Variants in CUBN observed in about 807,000 individuals in gnomAD.
CUBN encodes the protein cubilin.
In CUBN, 282 loss-of-function variants were observed where a neutral mutation model predicts 405.3. The ratio of observed to expected loss-of-function variants is 0.70; its 90% CI spans 0.63 to 0.77. The LOEUF (loss-of-function observed/expected upper bound fraction) is 0.77, where lower values mean the gene tolerates loss of function less well. CUBN is among the 30% of genes least tolerant of loss of function. The pLI, the probability that CUBN is intolerant of heterozygous loss-of-function variation, is 0.00. For synonymous variants in CUBN, 1,684 were observed against 1,617.0 expected, an observed-to-expected ratio of 1.04 and a Z score of -0.99; for missense variants, 4,514 against 4,475.2, an observed-to-expected ratio of 1.01 and a Z score of -0.25.
At chr10:16,954,595 G>C (rs771702335) in intron 31 of CUBN, 47 bp from the exon 32 acceptor site, 30 of 1,602,968 alleles carry the variant, frequency 1.9e-5, no homozygotes, top group South Asian at 6.6e-5. Context: ...TTCACATCTA[G>C]AAGGCCTGTA....
chr10:17,105,506 T>G lies in CUBN; in HGVS notation c.1181A>C (p.Gln394Pro). The change falls in exon 11 of 67, where the codon CAG becomes CCG. Residue 394 changes from glutamine (Q) to proline (P), a missense_variant. Gln to Pro is a moderately conservative substitution (Grantham distance 76, BLOSUM62 -1). Around this residue, in one of 5 missense-constraint regions of CUBN, gnomAD observed 1,448 missense variants for 1,388.0 expected, o/e 1.04. Transcript: ENST00000377833. ...GNGYGPNGCV[Q>P]LSNICLSHPC... ...GTGACTTAGGCAAATATTACTGAGC[T>G]GCACACATCCATTTGGCCCATAACC... 2.5e-6 allele frequency: 4 copies of G among 1,612,140 alleles called. No homozygotes were observed. Among genetic ancestry groups the G allele is most frequent in the Non-Finnish European group, 3.4e-6 (4 of 1,178,102 alleles).
chr10:17,076,242 T>A (rs1005319789), intron 17 of CUBN, among the ~76,000 whole-genome samples: 4 of 152,184 alleles, frequency 2.6e-5, no homozygotes, highest in Non-Finnish European at 5.9e-5. Flanking sequence ...TCAAGGGCCC[T>A]GAACCTAGAA....
At chr10:16,955,596 A>G (rs1218837862) in intron 31 of CUBN, among the ~76,000 whole-genome samples, 1 of 152,088 alleles carries the variant, frequency 6.6e-6, no homozygotes, top group African/African-American at 2.4e-5. Context: ...GAATTTTTGA[A>G]TACTCTTATG....
chr10:16,951,414 A>C (rs1343085754), intron 33 of CUBN, among the ~76,000 whole-genome samples: 1 of 152,242 alleles, frequency 6.6e-6, no homozygotes, highest in Non-Finnish European at 1.5e-5. Context: ...GATTAGCTTA[A>C]GTGACTTCCC....
Position 16,915,064 on chromosome 10 carries a change from C to A in CUBN, c.7319G>T (p.Gly2440Val). The change falls in exon 47 of 67, where the codon GGA becomes GTA. Residue 2440 changes from glycine to valine, a missense_variant. Around this residue, in one of 5 missense-constraint regions of CUBN, gnomAD observed 1,613 missense variants for 1,542.8 expected, o/e 1.05. Transcript: ENST00000377833. ...ACTGGATTCAAATCGCAGTCTGAAT[C>A]CTGAGGCAGTCACAGAGCCGTCTGT... ...FVTDGSVTAS[G>V]FRLRFESSME... 6.2e-7 allele frequency: 1 copy of A among 1,614,080 alleles called. No individual in the cohort carries two copies. Among genetic ancestry groups the A allele is most frequent in the Admixed American group, 1.7e-5 (1 of 60,012 alleles).
At chr10:16,859,616 T>C (rs1398635528) in intron 59 of CUBN, among the ~76,000 whole-genome samples, 1 of 152,106 alleles carries the variant, frequency 6.6e-6, no homozygotes, top group Non-Finnish European at 1.5e-5. Flanking sequence ...TAGAACTCTA[T>C]ACTCAGAGCA....
chr10:16,944,367 C>A (rs985246921), intron 36 of CUBN, among the ~76,000 whole-genome samples: 33 of 152,174 alleles, frequency 2.2e-4, no homozygotes, highest in Admixed American at 6.5e-5. Flanking sequence ...TTACAAAAAA[C>A]TCCTTTTTAG....
At position 17,043,996 on chromosome 10, in the gene CUBN, AT is replaced by A; in HGVS notation, c.3673-14del. On this transcript the variant is annotated splice_polypyrimidine_tract_variant and intron_variant, in intron 25 of 66. Coordinates refer to ENST00000377833, the MANE Select transcript of CUBN (RefSeq NM_001081.4). ...GGCCATCATATACCTTTAAGAAAAT[AT>A]TTTGAATGTTAGATGGTTGAGACTA... 1 of 1,609,688 alleles carries A rather than the reference AT, an allele frequency of 6.2e-7. No individual in the cohort carries two copies. Among genetic ancestry groups the A allele is most frequent in the Non-Finnish European group, 8.5e-7 (1 of 1,176,978 alleles).
intron 56 of CUBN, among the ~76,000 whole-genome samples, chr10:16,881,133 A>G (rs1284677950): frequency 6.6e-6 from 1 of 152,248 alleles, no homozygotes. Flanking sequence ...TAGCAACAAT[A>G]TATCAAGTTA....
chr10:16,853,803 C>T (rs1456308806), intron 59 of CUBN, among the ~76,000 whole-genome samples: 1 of 152,156 alleles, frequency 6.6e-6, no homozygotes, highest in Non-Finnish European at 1.5e-5. Context: ...GCTTTGATTC[C>T]AGTGTGAACT....
intron 22 of CUBN, among the ~76,000 whole-genome samples, chr10:17,062,122 T>C (rs1487685415): frequency 1.3e-5 from 2 of 152,344 alleles, no homozygotes; most frequent in South Asian, 2.1e-4. Flanking sequence ...CTTTGTATGA[T>C]AAACTCTGAT....
intron 54 of CUBN, among the ~76,000 whole-genome samples, chr10:16,895,918 GT>G (rs1841169369): frequency 6.6e-6 from 1 of 151,980 alleles, no homozygotes; most frequent in Admixed American, 6.6e-5. Context: ...TATAATTTCT[GT>G]TTACTTTATC....
chr10:16,998,729 T>TTTGTCATC (rs1387050494), intron 28 of CUBN, among the ~76,000 whole-genome samples: 1 of 152,216 alleles, frequency 6.6e-6, no homozygotes, highest in Non-Finnish European at 1.5e-5. Flanking sequence ...TTACTTCCTA[T>TTTGTCATC]TTGTCATCTT....
chr10:17,011,894 C>T (rs1834197049), intron 28 of CUBN, among the ~76,000 whole-genome samples: 1 of 152,108 alleles, frequency 6.6e-6, no homozygotes, highest in African/African-American at 2.4e-5. Context: ...TCTCCAAGTC[C>T]CCACCTGACC....
chr10:16,937,126 G>A (rs561191247), intron 39 of CUBN, among the ~76,000 whole-genome samples: 50 of 152,112 alleles, frequency 3.3e-4, no homozygotes, highest in Non-Finnish European at 5.3e-4. Context: ...TTTAAAATTC[G>A]GCCCATTTTA....
chr10:17,123,975 T>C (rs759021713), intron 4 of CUBN, among the ~76,000 whole-genome samples: 2 of 152,218 alleles, frequency 1.3e-5, no homozygotes, highest in Non-Finnish European at 2.9e-5. Flanking sequence ...GGAAAAGTAT[T>C]ATTCTCACCT....
chr10:16,962,452 G>A (rs1843255863), intron 31 of CUBN, among the ~76,000 whole-genome samples: 1 of 151,848 alleles, frequency 6.6e-6, no homozygotes, highest in African/African-American at 2.4e-5. Context: ...GATTGTAGGG[G>A]TGGGGGGTGG....
chr10:16,868,202 G>GT (rs1489249892), intron 59 of CUBN, among the ~76,000 whole-genome samples: 1 of 152,190 alleles, frequency 6.6e-6, no homozygotes, highest in African/African-American at 2.4e-5. Flanking sequence ...AGTAGGGGAG[G>GT]TGGCAAAGGG....
At chr10:17,058,076 C>T (rs996130958) in intron 22 of CUBN, among the ~76,000 whole-genome samples, 1 of 151,840 alleles carries the variant, frequency 6.6e-6, no homozygotes, top group Non-Finnish European at 1.5e-5. Flanking sequence ...GAGCTGAGAT[C>T]GCGCCACTGC....
Sources: gnomAD v4.1 joint callset for allele counts (sites outside exome capture counted in the v4.1 genomes callset) on GRCh38, gnomAD v4.1.1 for gene constraint, gnomAD v4.1.1 regional missense constraint, MANE v1.5 for transcripts, NCBI Gene and HGNC (gene_info 2026-07-23, HGNC 2026-07-21) for gene names.